Variants in ZNF354B observed in about 807,000 individuals in gnomAD.
The protein encoded by ZNF354B is zinc finger protein 354B.
Under a neutral mutation model 12.9 loss-of-function variants are expected in ZNF354B, and 10 were observed. The ratio of observed to expected loss-of-function variants is 0.77; its 90% CI spans 0.48 to 1.31. ZNF354B has a LOEUF of 1.31. ZNF354B is among the 40% of genes most tolerant of loss of function. The pLI, the probability that ZNF354B is intolerant of heterozygous loss-of-function variation, is 0.00. For synonymous variants in ZNF354B, 260 were observed against 243.7 expected (o/e 1.07, Z -0.62); for missense variants, 614 against 711.7 (o/e 0.86, Z 1.56).
At chr5:178,881,237 G>A (rs763293157) in intron 4 of ZNF354B, among the ~76,000 whole-genome samples, 1 of 152,054 alleles carries the variant, frequency 6.6e-6, no homozygotes, top group Non-Finnish European at 1.5e-5. Context: ...TTTGCTTGTC[G>A]CAAGCCTGGA....
chr5:178,868,072 G>A (rs1327140146), intron 4 of ZNF354B, among the ~76,000 whole-genome samples: 3 of 152,020 alleles, frequency 2.0e-5, no homozygotes, highest in Non-Finnish European at 4.4e-5. Flanking sequence ...TGGCGCCCAC[G>A]TGATCAGGGT....
chr5:178,883,072 T>C lies in ZNF354B; in HGVS notation c.620T>C (p.Ile207Thr), dbSNP rs144838417. Residue 207 changes from isoleucine (I) to threonine (T), a missense_variant, in exon 5 of 5, where the codon ATC becomes ACC. Ile to Thr is a moderately conservative substitution (Grantham distance 89). Transcript: ENST00000322434. ...TCAAATTTACTTAACCAATCAAAAATCAAAACAGCAGAGAAACGCTATAAA... is the reference window on the plus strand; with the variant it reads ...TCAAATTTACTTAACCAATCAAAAACCAAAACAGCAGAGAAACGCTATAAA... ...QNSNLLNQSKIKTAEKRYKCS... is the reference protein window; with the variant it reads ...QNSNLLNQSKTKTAEKRYKCS... The C allele has an allele frequency of 9.3e-5, 150 of 1,605,428 alleles. No homozygotes were observed. In the African/African-American group the frequency reaches 1.8e-3, roughly 20 times the overall value.
intron 4 of ZNF354B, among the ~76,000 whole-genome samples, chr5:178,868,431 G>A (rs886589403): frequency 1.3e-5 from 2 of 150,722 alleles, no homozygotes; most frequent in Admixed American, 6.6e-5. Flanking sequence ...TTGAACCCTC[G>A]CCCACAGCTT....
At chr5:178,862,878 C>T (rs557452889) in intron 2 of ZNF354B, among the ~76,000 whole-genome samples, 18 of 152,258 alleles carry the variant, frequency 1.2e-4, no homozygotes, top group East Asian at 1.9e-4. Flanking sequence ...GCTTGCCATG[C>T]GTCAGTAATG....
At chr5:178,867,189 T>C in intron 4 of ZNF354B, 118 bp downstream of exon 4, 2 of 986,774 alleles carry the variant, frequency 2.0e-6, no homozygotes, top group Non-Finnish European at 3.2e-6. Context: ...CAAGAAGTGG[T>C]GGGGAAGCGG....
At chr5:178,872,538 G>C (rs570165738) in intron 4 of ZNF354B, among the ~76,000 whole-genome samples, 1 of 152,192 alleles carries the variant, frequency 6.6e-6, no homozygotes, top group South Asian at 2.1e-4. Flanking sequence ...GTAGTTGTAG[G>C]TTTAGTTTTT....
In ZNF354B at chr5:178,866,969, T is replaced by C. The variant is rs772434392; in HGVS notation, c.161-7T>C. The C allele has an allele frequency of 9.3e-6, 15 of 1,612,292 alleles. No homozygotes were observed. In the Middle Eastern group the frequency reaches 6.6e-4, roughly 71 times the overall value. ...AGACTTTTGTTGTTGTTGTTGTTTATGTGCAGGACTCTCATTTACCAAACC... is the reference window on the plus strand; with the variant it reads ...AGACTTTTGTTGTTGTTGTTGTTTACGTGCAGGACTCTCATTTACCAAACC... On this transcript the variant is annotated splice_region_variant and splice_polypyrimidine_tract_variant and intron_variant, in intron 3 of 4. Coordinates refer to ENST00000322434, the MANE Select transcript of ZNF354B (RefSeq NM_058230.3).
At chr5:178,874,012 A>G (rs1404805223) in intron 4 of ZNF354B, among the ~76,000 whole-genome samples, 1 of 146,712 alleles carries the variant, frequency 6.8e-6, no homozygotes, top group Non-Finnish European at 1.5e-5. Flanking sequence ...GCTGGAGTGC[A>G]GTGGTGCGAT....
Position 178,864,350 on chromosome 5 carries a change from G to A in ZNF354B, c.34-1894G>A, listed in dbSNP as rs12654612. 8.0e-3 allele frequency among the ~76,000 whole-genome samples: 1,225 copies of A among 152,264 alleles called. 62 individuals carry two copies. In the East Asian group the frequency reaches 0.13, roughly 16 times the overall value. ...TTCAGTACGGTAACATGCTGTACAG[G>A]TTTGTAGCCTAGGAGTAACAGGCTG... On this transcript the variant is annotated intron_variant, in intron 2 of 4. Coordinates refer to ENST00000322434, the MANE Select transcript of ZNF354B (RefSeq NM_058230.3).
chr5:178,861,764 G>C (rs1757352353), intron 2 of ZNF354B, among the ~76,000 whole-genome samples: 1 of 152,222 alleles, frequency 6.6e-6, no homozygotes, highest in Non-Finnish European at 1.5e-5. Flanking sequence ...TGTTAAGCCA[G>C]ATGGCAGCGT....
chr5:178,862,342 C>A (rs956643376), intron 2 of ZNF354B, among the ~76,000 whole-genome samples: 1 of 149,644 alleles, frequency 6.7e-6, no homozygotes. Flanking sequence ...TACCAGAGTG[C>A]TTCTGCAGCG....
chr5:178,860,325 G>T (rs956530223), intron 1 of ZNF354B, among the ~76,000 whole-genome samples, 198 bp downstream of exon 1: 5 of 140,544 alleles, frequency 3.6e-5, no homozygotes, highest in African/African-American at 1.3e-4. Flanking sequence ...TCTGGCTCGC[G>T]CCGCCCGCCG....
intron 2 of ZNF354B, among the ~76,000 whole-genome samples, chr5:178,864,332 C>A (rs185107030): frequency 6.6e-6 from 1 of 152,126 alleles, no homozygotes; most frequent in African/African-American, 2.4e-5. Context: ...GTATTCAGTA[C>A]GGTAACATGC....
At chr5:178,881,265 G>T (rs1053940314) in intron 4 of ZNF354B, among the ~76,000 whole-genome samples, 1 of 151,770 alleles carries the variant, frequency 6.6e-6, no homozygotes, top group African/African-American at 2.4e-5. Context: ...ATTGTGAGGG[G>T]CAGGTGCTAT....
Position 178,882,905 on chromosome 5 carries a change from C to T in ZNF354B, c.453C>T (p.Ile151=), listed in dbSNP as rs2114030572. The change falls in exon 5 of 5, where the codon ATC becomes ATT. Residue 151 remains isoleucine, a synonymous_variant. Transcript: ENST00000322434. ...LQIISVAHTK[I]LTVDRSHKNV... ...TAATTTCAGTTGCCCATACAAAAAT[C>T]CTTACTGTAGATAGAAGCCATAAAA... 1.3e-6 allele frequency: 2 copies of T among 1,599,890 alleles called. No homozygotes were observed. The highest frequency in any genetic ancestry group is 1.7e-6 in the Non-Finnish European group (2 of 1,176,698).
chr5:178,877,817 G>A (rs954780291), intron 4 of ZNF354B, among the ~76,000 whole-genome samples: 2 of 152,182 alleles, frequency 1.3e-5, no homozygotes, highest in Admixed American at 1.3e-4. Flanking sequence ...TCCCCTAGAA[G>A]CTACAAGCCT....
At chr5:178,870,970 G>A (rs931629685) in intron 4 of ZNF354B, among the ~76,000 whole-genome samples, 6 of 152,092 alleles carry the variant, frequency 3.9e-5, no homozygotes, top group Non-Finnish European at 5.9e-5. Flanking sequence ...AGTATAGTCC[G>A]GTTTAATTTG....
chr5:178,882,649 A>G lies in ZNF354B; in HGVS notation c.257-60A>G, dbSNP rs1581817344. The G allele has an allele frequency of 1.1e-5, 16 of 1,490,428 alleles. No individual in the cohort carries two copies. In the East Asian group the frequency reaches 3.7e-4, roughly 35 times the overall value. 92.3% of individuals were successfully genotyped at this position (1,490,428 alleles called of 1,614,324 possible). ...GAGATACAATTAATCCCTTCTACAC[A>G]TTTAGTCTCAGCCAATCACATGAAT... On this transcript the variant is annotated intron_variant, in intron 4 of 4. Transcript: ENST00000322434.
chr5:178,862,271 C>T (rs561070707), intron 2 of ZNF354B, among the ~76,000 whole-genome samples: 62 of 152,032 alleles, frequency 4.1e-4, no homozygotes, highest in African/African-American at 1.4e-3. Flanking sequence ...TGAGTTCCGT[C>T]GGACCACCCA....
Sources: allele counts gnomAD v4.1 joint callset (sites outside exome capture counted in the v4.1 genomes callset), GRCh38; gene constraint gnomAD v4.1.1; transcripts MANE v1.5; gene names NCBI Gene and HGNC (gene_info 2026-07-23, HGNC 2026-07-21).